Variants in CSMD1 observed in about 807,000 individuals in gnomAD.
The protein encoded by CSMD1 is CUB and Sushi multiple domains 1, also known as CUB and sushi domain-containing protein 1.
Under a neutral mutation model 417.5 loss-of-function variants are expected in CSMD1, and 213 were observed. The observed-to-expected ratio is 0.51, with a 90% CI of 0.46 to 0.57. The LOEUF (loss-of-function observed/expected upper bound fraction) is 0.57. Among genes scored for constraint, CSMD1 ranks in the 20% least tolerant of loss-of-function variants. The pLI, the probability that CSMD1 is intolerant of heterozygous loss-of-function variation, is 0.00. For synonymous variants in CSMD1, 2,862 were observed against 1,736.8 expected (o/e 1.65, Z -16.11); for missense variants, 6,923 against 4,529.7 (o/e 1.53, Z -15.17).
intron 5 of CSMD1, among the ~76,000 whole-genome samples, chr8:3,783,467 C>T (rs1023598823): frequency 1.3e-5 from 2 of 152,142 alleles, no homozygotes; most frequent in African/African-American, 2.4e-5. Flanking sequence ...GAAGCATTGG[C>T]GGGCTGTGAG....
chr8:3,811,313 C>T (rs1430356538), intron 5 of CSMD1, among the ~76,000 whole-genome samples: 2 of 152,166 alleles, frequency 1.3e-5, no homozygotes, highest in Non-Finnish European at 2.9e-5. Flanking sequence ...CCTGCTATAA[C>T]CTTCACACTG....
rs1259033177 is a variant in CSMD1, at chr8:4,127,684, A to G, written c.416-95585T>C. Among the ~76,000 whole-genome samples the G allele has an allele frequency of 2.0e-5, 3 of 152,240 alleles. No homozygotes were observed. In the East Asian group the frequency reaches 5.8e-4, roughly 29 times the overall value. ...TAGACTACTTATAAGGAAGATATTA[A>G]ATAATAGGCAGTCATGATGAATAAA... On this transcript the variant is annotated intron_variant, in intron 3 of 69. Transcript: ENST00000635120.
chr8:3,149,260 C>T (rs1218447862), intron 40 of CSMD1, among the ~76,000 whole-genome samples: 5 of 151,974 alleles, frequency 3.3e-5, no homozygotes, highest in African/African-American at 2.4e-5. Flanking sequence ...AAAATAGTAA[C>T]ATTGGAAAAA....
At chr8:4,930,334 T>C (rs909294122) in intron 1 of CSMD1, among the ~76,000 whole-genome samples, 8 of 152,184 alleles carry the variant, frequency 5.3e-5, no homozygotes, top group Non-Finnish European at 1.2e-4. Context: ...CTGAACACTG[T>C]AATAATGTAA....
chr8:3,567,921 T>C (rs1039105508), intron 10 of CSMD1, among the ~76,000 whole-genome samples: 1 of 152,142 alleles, frequency 6.6e-6, no homozygotes, highest in Admixed American at 6.6e-5. Flanking sequence ...CACACATGTG[T>C]TGACATCCCC....
chr8:4,131,896 G>A (rs1166668575), intron 3 of CSMD1, among the ~76,000 whole-genome samples: 1 of 151,162 alleles, frequency 6.6e-6, no homozygotes, highest in South Asian at 2.1e-4. Flanking sequence ...CCATGTAGCT[G>A]GGACTACAGG....
At chr8:3,769,382 T>C (rs567403069) in intron 5 of CSMD1, among the ~76,000 whole-genome samples, 4 of 151,378 alleles carry the variant, frequency 2.6e-5, no homozygotes, top group Non-Finnish European at 5.9e-5. Context: ...TTAAATACTA[T>C]GTTAAAAAGC....
chr8:4,043,966 T>C (rs1237080306), intron 3 of CSMD1, among the ~76,000 whole-genome samples: 2 of 152,174 alleles, frequency 1.3e-5, no homozygotes, highest in Non-Finnish European at 2.9e-5. Flanking sequence ...GTTGATATAA[T>C]TGAAATGCTT....
At chr8:3,110,500 G>A (rs962079753) in intron 42 of CSMD1, among the ~76,000 whole-genome samples, 165 bp from the exon 43 acceptor site, 1 of 152,196 alleles carries the variant, frequency 6.6e-6, no homozygotes, top group Non-Finnish European at 1.5e-5. Flanking sequence ...CCTAAAATCT[G>A]AAGACCTTAG....
chr8:4,437,610 C>G (rs774242674), intron 2 of CSMD1, among the ~76,000 whole-genome samples: 10 of 152,318 alleles, frequency 6.6e-5, no homozygotes, highest in Non-Finnish European at 1.3e-4. Context: ...ACTCTATCAG[C>G]CTCTGTTCAC....
chr8:4,282,028 C>T (rs1280329680), intron 3 of CSMD1, among the ~76,000 whole-genome samples: 1 of 152,164 alleles, frequency 6.6e-6, no homozygotes, highest in Non-Finnish European at 1.5e-5. Context: ...ATGTGATTAG[C>T]CTTTGTTATA....
chr8:3,242,674 G>A (rs1254408992), intron 26 of CSMD1, among the ~76,000 whole-genome samples: 1 of 152,036 alleles, frequency 6.6e-6, no homozygotes, highest in Non-Finnish European at 1.5e-5. Flanking sequence ...GGCTAAGGGA[G>A]AAGAGAGGGG....
intron 41 of CSMD1, among the ~76,000 whole-genome samples, chr8:3,123,288 C>G (rs939880010): frequency 6.6e-6 from 1 of 152,152 alleles, no homozygotes; most frequent in Non-Finnish European, 1.5e-5. Flanking sequence ...TGCCAGGGAC[C>G]ACTCCAGGCT....
At chr8:4,984,843 A>G (rs1811088852) in intron 1 of CSMD1, among the ~76,000 whole-genome samples, 2 of 152,200 alleles carry the variant, frequency 1.3e-5, no homozygotes, top group Admixed American at 1.3e-4. Context: ...GGAATAGTAA[A>G]AAACACACCC....
intron 3 of CSMD1, among the ~76,000 whole-genome samples, chr8:4,238,090 G>C (rs1003838167): frequency 3.3e-5 from 5 of 152,148 alleles, no homozygotes. Flanking sequence ...AACGTTTTAA[G>C]ATTGAGACAC....
chr8:4,967,940 G>C (rs1449565862), intron 1 of CSMD1, among the ~76,000 whole-genome samples: 1 of 152,100 alleles, frequency 6.6e-6, no homozygotes, highest in African/African-American at 2.4e-5. Flanking sequence ...GATTGAAAAT[G>C]ATGTATTTTT....
At chr8:3,723,601 G>A (rs944404938) in intron 6 of CSMD1, among the ~76,000 whole-genome samples, 1 of 152,136 alleles carries the variant, frequency 6.6e-6, no homozygotes, top group Non-Finnish European at 1.5e-5. Flanking sequence ...GATGAAATTC[G>A]GGTTTTCAAG....
At chr8:3,684,414 TA>T (rs1157039522) in intron 7 of CSMD1, among the ~76,000 whole-genome samples, 2 of 149,204 alleles carry the variant, frequency 1.3e-5, no homozygotes, top group African/African-American at 2.4e-5. Context: ...ATACAAAATA[TA>T]TTTTTTTCAT....
chr8:4,303,420 C>CTTTTTTTTTTTT (rs1563419612), intron 3 of CSMD1, among the ~76,000 whole-genome samples: 4 of 92,318 alleles, frequency 4.3e-5, no homozygotes, highest in African/African-American at 8.7e-5. Flanking sequence ...GGGCAGGAAG[C>CTTTTTTTTTTTT]TGTTTTTTTT....
Sources: gnomAD v4.1 joint callset for allele counts (sites outside exome capture counted in the v4.1 genomes callset) on GRCh38, gnomAD v4.1.1 for gene constraint, MANE v1.5 for transcripts, NCBI Gene and HGNC (gene_info 2026-07-23, HGNC 2026-07-21) for gene names.